The following SLC1A1 variants were observed in gnomAD, a reference collection of about 807,000 sequenced individuals.
SLC1A1 encodes the protein excitatory amino acid transporter 3.
SLC1A1 carries 43 observed loss-of-function variants against 53.3 expected under a neutral mutation model. That is an observed-to-expected ratio of 0.81 (90% CI 0.63 to 1.04). The LOEUF is 1.04. SLC1A1 is among the 50% of genes least tolerant of loss of function. SLC1A1 has a pLI of 0.00. For synonymous variants in SLC1A1, 307 were observed against 243.2 expected (o/e 1.26, Z -2.44); for missense variants, 748 against 664.9 (o/e 1.12, Z -1.37).
At chr9:4,537,800 G>T (rs544316924) in intron 1 of SLC1A1, among the ~76,000 whole-genome samples, 2 of 152,132 alleles carry the variant, frequency 1.3e-5, no homozygotes, top group South Asian at 2.1e-4. Flanking sequence ...TGACTAACAG[G>T]TGTGGAATTT....
chr9:4,564,945 G>A (rs1318218427), intron 4 of SLC1A1, among the ~76,000 whole-genome samples: 1 of 152,116 alleles, frequency 6.6e-6, no homozygotes, highest in African/African-American at 2.4e-5. Context: ...TTGACATAAA[G>A]CTAAGGTCTT....
intron 1 of SLC1A1, among the ~76,000 whole-genome samples, chr9:4,533,010 T>C (rs1361738346): frequency 6.6e-6 from 1 of 152,038 alleles, no homozygotes; most frequent in Non-Finnish European, 1.5e-5. Flanking sequence ...GACAAGCAAA[T>C]GCTGAGAGAT....
chr9:4,536,753 T>C (rs577031820), intron 1 of SLC1A1, among the ~76,000 whole-genome samples: 18 of 152,338 alleles, frequency 1.2e-4, no homozygotes, highest in East Asian at 5.8e-4. Context: ...TGTATGTTTA[T>C]TGCAGCATTA....
At position 4,533,651 on chromosome 9, in the gene SLC1A1, T is replaced by C. The variant is rs1163383114; in HGVS notation, c.92-10916T>C. Among the ~76,000 whole-genome samples the C allele has an allele frequency of 6.6e-5, 10 of 152,246 alleles. No individual in the cohort carries two copies. The South Asian group carries it at 1.7e-3, about 25-fold the overall frequency. ...CACCCCACTGTCAACATTAGACAGA[T>C]CAACGAGACAGAAAGTTAACAAGGA... On this transcript the variant is annotated intron_variant, in intron 1 of 11. Coordinates refer to ENST00000262352, the MANE Select transcript of SLC1A1 (RefSeq NM_004170.6).
chr9:4,506,112 C>T lies in SLC1A1; in HGVS notation c.91+15342C>T, dbSNP rs531099339. ...AATTGCTGGGATTACAGGCTCCTGC[C>T]GTCTGACTTAATTTTTGTACTTTTA... On this transcript the variant is annotated intron_variant, in intron 1 of 11. Transcript: ENST00000262352. Among the ~76,000 whole-genome samples, 5 of 152,184 alleles carry T rather than the reference C, an allele frequency of 3.3e-5. No individual in the cohort carries two copies. The East Asian group carries it at 5.8e-4, about 18-fold the overall frequency.
rs75886513 is a variant in SLC1A1, at chr9:4,523,968, C to A, written c.92-20599C>A. Reference sequence around the variant, plus strand: ...CTCCTGAAGGGTTACTGATGAATTCCTTTCTTCCTTCAAAATGCTTCATGT... The same window carrying A: ...CTCCTGAAGGGTTACTGATGAATTCATTTCTTCCTTCAAAATGCTTCATGT... On this transcript the variant is annotated intron_variant, in intron 1 of 11. Coordinates refer to ENST00000262352, the MANE Select transcript of SLC1A1 (RefSeq NM_004170.6). Among the ~76,000 whole-genome samples the A allele has an allele frequency of 3.9e-3, 593 of 152,286 alleles. 6 individuals are homozygous for A. The highest frequency in any genetic ancestry group is 0.013 in the African/African-American group (554 of 41,568).
chr9:4,575,114 T>C (rs1820423280), intron 8 of SLC1A1, among the ~76,000 whole-genome samples: 1 of 152,210 alleles, frequency 6.6e-6, no homozygotes, highest in South Asian at 2.1e-4. Context: ...GCTAGGTGTC[T>C]AACAGGAAAC....
chr9:4,582,962 G>C, intron 10 of SLC1A1, 76 bp from the exon 11 acceptor site: 1 of 1,582,514 alleles, frequency 6.3e-7, no homozygotes, highest in East Asian at 2.2e-5. Context: ...GACTAAGCGG[G>C]AGTAACCATT....
intron 1 of SLC1A1, among the ~76,000 whole-genome samples, chr9:4,511,680 C>T (rs912088203): frequency 5.9e-5 from 9 of 151,814 alleles, no homozygotes; most frequent in African/African-American, 1.5e-4. Flanking sequence ...CAAAGGTGTC[C>T]ATTCTCACCA....
chr9:4,544,911 G>A (rs552209640), intron 2 of SLC1A1, among the ~76,000 whole-genome samples: 44 of 152,338 alleles, frequency 2.9e-4, no homozygotes, highest in African/African-American at 1.0e-3. Flanking sequence ...GCAGGAAGGA[G>A]AAAGGCTGGG....
intron 10 of SLC1A1, among the ~76,000 whole-genome samples, chr9:4,581,107 T>A (rs1821057561): frequency 6.6e-6 from 1 of 152,184 alleles, no homozygotes; most frequent in African/African-American, 2.4e-5. Context: ...GAATTGAGAT[T>A]CAGAGAAGTA....
At chr9:4,558,246 C>T (rs1490972640) in intron 2 of SLC1A1, among the ~76,000 whole-genome samples, 1 of 152,150 alleles carries the variant, frequency 6.6e-6, no homozygotes, top group Non-Finnish European at 1.5e-5. Context: ...CCCAACAATG[C>T]ATTATAAATC....
At chr9:4,545,644 A>AGGGTTTAAATATG (rs1447373597) in intron 2 of SLC1A1, among the ~76,000 whole-genome samples, 1 of 152,254 alleles carries the variant, frequency 6.6e-6, no homozygotes, top group Non-Finnish European at 1.5e-5. Context: ...TGTGGGGACC[A>AGGGTTTAAATATG]GCAGTCAAGT....
chr9:4,530,721 A>G (rs1816436360), intron 1 of SLC1A1, among the ~76,000 whole-genome samples: 1 of 152,062 alleles, frequency 6.6e-6, no homozygotes. Flanking sequence ...TAACACAATT[A>G]TATTATTTTT....
At chr9:4,505,937 C>T (rs1288220561) in intron 1 of SLC1A1, among the ~76,000 whole-genome samples, 1 of 152,248 alleles carries the variant, frequency 6.6e-6, no homozygotes, top group Non-Finnish European at 1.5e-5. Flanking sequence ...GATTCTCCTG[C>T]CTCAGCTTCC....
chr9:4,551,531 T>C (rs2130891197), intron 2 of SLC1A1, among the ~76,000 whole-genome samples: 1 of 152,370 alleles, frequency 6.6e-6, no homozygotes, highest in East Asian at 1.9e-4. Flanking sequence ...CTATTAAATG[T>C]AAGCTACTGT....
intron 1 of SLC1A1, among the ~76,000 whole-genome samples, chr9:4,525,970 C>A (rs1368193848): frequency 6.6e-6 from 1 of 152,070 alleles, no homozygotes; most frequent in Admixed American, 6.5e-5. Flanking sequence ...AGGACATCAA[C>A]ACAGAATTTA....
Position 4,509,607 on chromosome 9 carries a change from C to T in SLC1A1, c.91+18837C>T, listed in dbSNP as rs1030302008. On this transcript the variant is annotated intron_variant, in intron 1 of 11. Transcript: ENST00000262352. ...TGTCTCTTTCTACCATTAAGATCTA[C>T]AGCTACTGCCTCTCATTTGCTAAAC... Among the ~76,000 whole-genome samples the T allele has an allele frequency of 7.2e-5, 11 of 152,004 alleles. No homozygotes were observed. The South Asian group carries it at 1.0e-3, about 14-fold the overall frequency.
At chr9:4,563,007 T>C (rs573232726) in intron 3 of SLC1A1, among the ~76,000 whole-genome samples, 111 of 150,144 alleles carry the variant, frequency 7.4e-4, no homozygotes, top group African/African-American at 2.5e-3. Flanking sequence ...TTGGGAGATA[T>C]ACCTAATGCT....
Sources: allele counts gnomAD v4.1 joint callset (sites outside exome capture counted in the v4.1 genomes callset), GRCh38; gene constraint gnomAD v4.1.1; transcripts MANE v1.5; gene names NCBI Gene and HGNC (gene_info 2026-07-23, HGNC 2026-07-21).